The following INTS9 variants were observed in gnomAD, a reference collection of about 807,000 sequenced individuals.
The protein encoded by INTS9 is integrator complex subunit 9.
Under a neutral mutation model 79.7 loss-of-function variants are expected in INTS9, and 55 were observed. That is an observed-to-expected ratio of 0.69 (90% CI 0.56 to 0.86). The LOEUF (loss-of-function observed/expected upper bound fraction) is 0.86. INTS9 is among the 40% of genes least tolerant of loss of function. The probability of loss-of-function intolerance (pLI) is 0.00; values close to 1 mark genes in which losing one functional copy is unlikely to be tolerated. For synonymous variants in INTS9, 319 were observed against 325.2 expected (o/e 0.98, Z 0.20); for missense variants, 721 against 831.5 (o/e 0.87, Z 1.64).
intron 5 of INTS9, 87 bp from the exon 6 acceptor site, chr8:28,835,465 T>C: frequency 2.0e-5 from 12 of 614,506 alleles, no homozygotes; most frequent in Non-Finnish European, 3.0e-5. Context: ...GAGAAATGAC[T>C]TGCCCACCTC....
chr8:28,816,553 T>C (rs2131072689), intron 6 of INTS9, among the ~76,000 whole-genome samples: 1 of 150,010 alleles, frequency 6.7e-6, no homozygotes, highest in South Asian at 2.1e-4. Context: ...CAGTCTATCA[T>C]TGTTGGACAT....
intron 5 of INTS9, 139 bp from the exon 6 acceptor site, chr8:28,835,517 T>C (rs1806761639): frequency 3.5e-6 from 2 of 577,724 alleles, no homozygotes; most frequent in South Asian, 2.2e-5. Flanking sequence ...CTGCTGCACA[T>C]AAACTTGATC....
chr8:28,859,660 A>G, intron 1 of INTS9, 97 bp from the exon 2 acceptor site: 3 of 1,335,808 alleles, frequency 2.2e-6, no homozygotes, highest in Non-Finnish European at 2.1e-6. Context: ...CTCTCATAAG[A>G]CCAGCGTGTT....
At chr8:28,779,652 G>T (rs984940856) in intron 12 of INTS9, among the ~76,000 whole-genome samples, 30 of 152,122 alleles carry the variant, frequency 2.0e-4, no homozygotes, top group African/African-American at 7.0e-4. Flanking sequence ...TCACCTCCGC[G>T]AACACCTGCG....
chr8:28,830,052 GAAAAAA>G (rs11389846), intron 6 of INTS9, among the ~76,000 whole-genome samples: 1 of 137,786 alleles, frequency 7.3e-6, no homozygotes, highest in Admixed American at 7.1e-5. Context: ...CAAGAATGAA[GAAAAAA>G]AAAAAAGAGT....
At chr8:28,780,422 G>T in intron 12 of INTS9, 1 of 985,140 alleles carries the variant, frequency 1.0e-6, no homozygotes, top group Non-Finnish European at 1.2e-6. Context: ...TCCCCTGAGG[G>T]ATTTGTCTCC....
chr8:28,772,605 A>G (rs1366469601), intron 14 of INTS9, among the ~76,000 whole-genome samples: 1 of 152,134 alleles, frequency 6.6e-6, no homozygotes, highest in Non-Finnish European at 1.5e-5. Context: ...CAGGAGATCA[A>G]GACCATCCTG....
chr8:28,853,074 G>A lies in INTS9; in HGVS notation c.138-2801C>T, dbSNP rs533592151. Among the ~76,000 whole-genome samples the A allele has an allele frequency of 2.0e-4, 31 of 152,256 alleles. No individual in the cohort carries two copies. The South Asian group carries it at 5.6e-3, about 27-fold the overall frequency. Reference sequence around the variant, plus strand: ...TTTGTTTTTAATGATTACAAAGTTCGACTGTGTAAACTTTGTAAATGAGGA... The same window carrying A: ...TTTGTTTTTAATGATTACAAAGTTCAACTGTGTAAACTTTGTAAATGAGGA... On this transcript the variant is annotated intron_variant, in intron 2 of 16. Coordinates refer to ENST00000521022, the MANE Select transcript of INTS9 (RefSeq NM_018250.4).
intron 2 of INTS9, among the ~76,000 whole-genome samples, chr8:28,850,474 G>A (rs1254745812): frequency 6.6e-6 from 1 of 151,868 alleles, no homozygotes; most frequent in Admixed American, 6.6e-5. Flanking sequence ...GATATTAAAA[G>A]GTCAAATAGT....
Position 28,767,800 on chromosome 8 carries a change from C to A in INTS9, c.*346G>T, listed in dbSNP as rs910504964. On this transcript the variant is annotated 3_prime_UTR_variant, in exon 17 of 17. Coordinates refer to ENST00000521022, the MANE Select transcript of INTS9 (RefSeq NM_018250.4). Reference sequence around the variant, plus strand: ...AAGTAAACGAAACCAAAGGCTGGCTCCCCTGGCCGAGGCCTGGGACTGATG... The same window carrying A: ...AAGTAAACGAAACCAAAGGCTGGCTACCCTGGCCGAGGCCTGGGACTGATG... 3.3e-6 allele frequency: 1 copy of A among 302,234 alleles called. No individual in the cohort carries two copies. Among genetic ancestry groups the A allele is most frequent in the Non-Finnish European group, 6.3e-6 (1 of 157,562 alleles). 18.7% of individuals were successfully genotyped at this position (302,234 alleles called of 1,614,324 possible). A position where few individuals can be genotyped will look rare whatever the true frequency, so the allele number is the denominator to read the frequency against.
At chr8:28,837,221 TTA>T (rs1391285320) in intron 5 of INTS9, among the ~76,000 whole-genome samples, 1 of 152,174 alleles carries the variant, frequency 6.6e-6, no homozygotes, top group African/African-American at 2.4e-5. Context: ...CTGTCTCCAT[TTA>T]TAGTCTACAA....
At chr8:28,786,676 G>A (rs1168717303) in intron 11 of INTS9, among the ~76,000 whole-genome samples, 2 of 152,174 alleles carry the variant, frequency 1.3e-5, no homozygotes, top group Admixed American at 6.5e-5. Context: ...AAACTGCGGA[G>A]GCATAGAGTA....
At position 28,837,679 on chromosome 8, in the gene INTS9, G is replaced by A. The variant is rs554429405; in HGVS notation, c.359C>T (p.Thr120Ile). ...GGGTTCCGTGGCATACACTGTGCCTGTGAAGCCGGTGTGCTCGGTGATGTA... is the reference window on the plus strand; with the variant it reads ...GGGTTCCGTGGCATACACTGTGCCTATGAAGCCGGTGTGCTCGGTGATGTA... ...LPYITEHTGF[T>I]GTVYATEPTV... Residue 120 changes from threonine to isoleucine, a missense_variant, in exon 5 of 17, where the codon ACA becomes ATA. Physicochemically the swap from Thr to Ile is moderately conservative, Grantham distance 89. Around this residue, in one of 3 missense-constraint regions of INTS9, gnomAD observed 291 missense variants for 307.0 expected, o/e 0.95. Coordinates refer to ENST00000521022, the MANE Select transcript of INTS9 (RefSeq NM_018250.4). 1.7e-5 allele frequency: 28 copies of A among 1,613,828 alleles called. No homozygotes were observed. In the African/African-American group the frequency reaches 2.4e-4, roughly 14 times the overall value.
intron 1 of INTS9, among the ~76,000 whole-genome samples, chr8:28,865,748 T>G (rs1433560958): frequency 6.6e-6 from 1 of 152,188 alleles, no homozygotes; most frequent in East Asian, 1.9e-4. Context: ...TGCACGGGTA[T>G]GAGGTATAAC....
intron 10 of INTS9, among the ~76,000 whole-genome samples, chr8:28,793,517 A>G (rs1021147922): frequency 6.6e-6 from 1 of 152,190 alleles, no homozygotes; most frequent in Non-Finnish European, 1.5e-5. Context: ...ACCTAGTAAC[A>G]GGCAGAGGGT....
chr8:28,861,035 A>G (rs2131298424), intron 1 of INTS9, among the ~76,000 whole-genome samples: 1 of 152,380 alleles, frequency 6.6e-6, no homozygotes, highest in Non-Finnish European at 1.5e-5. Context: ...CTGCTTCTTC[A>G]TTCCAAGTTT....
In INTS9 at chr8:28,812,625, C is replaced by T. The variant is rs528111841; in HGVS notation, c.610-164G>A. On this transcript the variant is annotated intron_variant, in intron 7 of 16. Transcript: ENST00000521022. The stretch of plus-strand genomic sequence containing the variant: ...ATGGCTCACGCCTGTAATCCCAGCA[C>T]TTTGGGAGGCTGAGGCCAGGAGTTC... Among the ~76,000 whole-genome samples the T allele has an allele frequency of 9.8e-5, 15 of 152,306 alleles. No individual in the cohort carries two copies. In the East Asian group the frequency reaches 2.9e-3, roughly 29 times the overall value.
chr8:28,835,090 G>T (rs1463469768), intron 6 of INTS9, among the ~76,000 whole-genome samples: 1 of 152,162 alleles, frequency 6.6e-6, no homozygotes, highest in Non-Finnish European at 1.5e-5. Flanking sequence ...AAAAACTCTG[G>T]TACCCAGCAT....
chr8:28,767,840 A>C lies in INTS9; in HGVS notation c.*306T>G, dbSNP rs1367015887. ...TGGGACTGATGCAAGACAGCCAGCC[A>C]GTCACCTCCGCCTCCCATGAACCTC... On this transcript the variant is annotated 3_prime_UTR_variant, in exon 17 of 17. Transcript: ENST00000521022. 8.1e-6 allele frequency: 3 copies of C among 370,716 alleles called. No homozygotes were observed. The highest frequency in any genetic ancestry group is 1.5e-5 in the Non-Finnish European group (3 of 197,200). 23.0% of individuals were successfully genotyped at this position (370,716 alleles called of 1,614,324 possible).
Sources: gnomAD v4.1 joint callset for allele counts (sites outside exome capture counted in the v4.1 genomes callset) on GRCh38, gnomAD v4.1.1 for gene constraint, gnomAD v4.1.1 regional missense constraint, MANE v1.5 for transcripts, NCBI Gene and HGNC (gene_info 2026-07-23, HGNC 2026-07-21) for gene names.